The following DMD variants were observed in gnomAD, a reference collection of about 807,000 sequenced individuals.
DMD encodes the protein dystrophin.
In DMD, 63 loss-of-function variants were observed where a neutral mutation model predicts 330.1. The observed-to-expected ratio is 0.19, with a 90% confidence interval of 0.16 to 0.24. The LOEUF is 0.24. Among genes scored for constraint, DMD ranks in the 10% least tolerant of loss-of-function variants. DMD has a pLI of 1.00. For synonymous variants in DMD, 1,223 were observed against 959.8 expected (o/e 1.27, Z -5.07); for missense variants, 3,344 against 2,684.1 (o/e 1.25, Z -5.43).
intron 1 of DMD, among the ~76,000 whole-genome samples, chrX:33,109,412 C>T (rs1310535517): frequency 8.9e-6 from 1 of 111,913 alleles, no homozygotes; most frequent in Non-Finnish European, 1.9e-5. Flanking sequence ...GTTTCTTCTG[C>T]TTCTTTAAAT....
intron 7 of DMD, among the ~76,000 whole-genome samples, chrX:32,744,851 G>A (rs2069774053): frequency 8.9e-6 from 1 of 112,074 alleles, no homozygotes; most frequent in African/African-American, 3.2e-5. Context: ...TATGATTTTA[G>A]AAGAGATTAC....
chrX:32,536,090 C>A (rs1194615161), intron 17 of DMD, among the ~76,000 whole-genome samples: 1 of 109,708 alleles, frequency 9.1e-6, no homozygotes, highest in Non-Finnish European at 1.9e-5. Context: ...CACGGTGAAA[C>A]CCCATCTCTA....
rs180791973 is a variant in DMD at position 31,747,614 on chromosome X, T to C, written c.7543-17866A>G. Among the ~76,000 whole-genome samples the C allele has an allele frequency of 3.6e-5, 4 of 111,524 alleles. No individual in the cohort carries two copies. In the East Asian group the frequency reaches 1.1e-3, roughly 32 times the overall value. Reference sequence around the variant, plus strand: ...AGGGGGAGAACTGCTTTCTGTGGCATAGTTCCAAGCAAACACATGGCACAA... The same window carrying C: ...AGGGGGAGAACTGCTTTCTGTGGCACAGTTCCAAGCAAACACATGGCACAA... On this transcript the variant is annotated intron_variant, in intron 51 of 78. Coordinates refer to ENST00000357033, the MANE Select transcript of DMD (RefSeq NM_004006.3).
intron 67 of DMD, among the ~76,000 whole-genome samples, chrX:31,199,998 C>T (rs775728954): frequency 1.8e-5 from 2 of 111,836 alleles, no homozygotes; most frequent in South Asian, 7.5e-4. Flanking sequence ...TGCACCTGGC[C>T]GAGGAAAAGC....
chrX:32,948,151 A>C (rs1259196254), intron 2 of DMD, among the ~76,000 whole-genome samples: 1 of 104,610 alleles, frequency 9.6e-6, no homozygotes, highest in Non-Finnish European at 2.0e-5. Flanking sequence ...CACACACACC[A>C]GGGACGGAGG....
chrX:32,091,012 G>C, intron 44 of DMD, among the ~76,000 whole-genome samples: 1 of 112,239 alleles, frequency 8.9e-6, no homozygotes, highest in Non-Finnish European at 1.9e-5. Context: ...CTTAAATGTA[G>C]CACTTTTAAC....
intron 44 of DMD, among the ~76,000 whole-genome samples, chrX:32,054,074 T>C (rs1165139469): frequency 1.4e-5 from 1 of 71,212 alleles, no homozygotes; most frequent in Admixed American, 1.6e-4. Context: ...GTGGGGTATG[T>C]GTGTGTGTGT....
Position 32,216,842 on chromosome X carries a change from G to C in DMD, c.6438+74C>G, listed in dbSNP as rs2097114010. 7.2e-6 allele frequency: 7 copies of C among 976,922 alleles called. No homozygotes were observed. In the South Asian group the frequency reaches 1.4e-4, roughly 20 times the overall value. 80.5% of individuals were successfully genotyped at this position (976,922 alleles called of 1,213,427 possible). A position where few individuals can be genotyped will look rare whatever the true frequency, so the allele number is the denominator to read the frequency against. ...TAATTTCCATCACCCTTCAGAACCT[G>C]ATCTTTAAGAAGTTAAAGAGTCCAG... is the stretch of plus-strand genomic sequence containing the variant. On this transcript the variant is annotated intron_variant, in intron 44 of 78. Coordinates refer to ENST00000357033, the MANE Select transcript of DMD (RefSeq NM_004006.3).
intron 50 of DMD, among the ~76,000 whole-genome samples, chrX:31,798,388 T>G (rs1341619532): frequency 9.0e-6 from 1 of 110,821 alleles, no homozygotes; most frequent in African/African-American, 3.3e-5. Context: ...TCCAGTCTTG[T>G]GCTAAGTATA....
chrX:33,287,655 A>T (rs1221613282), intron 1 of DMD, among the ~76,000 whole-genome samples: 1 of 111,836 alleles, frequency 8.9e-6, no homozygotes, highest in Non-Finnish European at 1.9e-5. Context: ...GCATAAAATT[A>T]TATAGATCTG....
At position 33,134,505 on chromosome X, in the gene DMD, A is replaced by G. The variant is rs1169363858; in HGVS notation, c.31+76777T>C. On this transcript the variant is annotated intron_variant, in intron 1 of 78. Transcript: ENST00000357033. Reference sequence around the variant, plus strand: ...ACACTTGGCCCTGAGATTATCTGAGAATTTCCTAAAACATTCAACACCTCA... The same window carrying G: ...ACACTTGGCCCTGAGATTATCTGAGGATTTCCTAAAACATTCAACACCTCA... Among the ~76,000 whole-genome samples the G allele has an allele frequency of 2.7e-5, 3 of 111,992 alleles. No individual in the cohort carries two copies. The East Asian group carries it at 8.4e-4, about 31-fold the overall frequency.
In DMD at chrX:32,380,633, A is replaced by G; in HGVS notation, c.4722T>C (p.Arg1574=). ...QQLEKCLKLS[R]KMRKEMNVLT... is the part of the protein sequence containing the mutation. ...AGACATTCATTTCCTTTCGCATCTT[A>G]CGGGACAATTTCAAGCATTTCTCCA... Residue 1574 remains arginine, a synonymous_variant, in exon 34 of 79, where the codon CGT becomes CGC. Transcript: ENST00000357033. 1 of 1,209,117 alleles carries G rather than the reference A, an allele frequency of 8.3e-7. No homozygotes were observed. The highest frequency in any genetic ancestry group is 1.1e-6 in the Non-Finnish European group (1 of 894,335).
intron 13 of DMD, among the ~76,000 whole-genome samples, chrX:32,574,979 C>A (rs1409867747): frequency 1.8e-5 from 2 of 109,653 alleles, no homozygotes; most frequent in African/African-American, 3.3e-5. Context: ...CTCACTGCAA[C>A]CTCCACCTCC....
At chrX:32,369,571 AG>A (rs1182634823) in intron 34 of DMD, among the ~76,000 whole-genome samples, 1 of 111,153 alleles carries the variant, frequency 9.0e-6, no homozygotes, top group Non-Finnish European at 1.9e-5. Flanking sequence ...CTGGTCCTAT[AG>A]GAACACCTTT....
intron 48 of DMD, among the ~76,000 whole-genome samples, chrX:31,843,846 T>TG (rs754882723): frequency 0.11 from 12,217 of 109,503 alleles, 570 homozygotes; most frequent in South Asian, 0.21. Flanking sequence ...AGTTTGAGAT[T>TG]TTATTGTATT....
rs2059224663 is a variant in DMD, at chrX:31,366,287, T to A, written c.9085-17653A>T. 2.8e-5 allele frequency among the ~76,000 whole-genome samples: 3 copies of A among 108,697 alleles called. No individual in the cohort carries two copies. The South Asian group carries it at 1.2e-3, about 43-fold the overall frequency. 94.4% of individuals were successfully genotyped at this position (108,697 alleles called of 115,157 possible). On this transcript the variant is annotated intron_variant, in intron 60 of 78. Transcript: ENST00000357033. ...GATGTCTCAGGCTACGCACCACTGATAACACAAACTATGCGGGCACTGGAG... is the reference window on the plus strand; with the variant it reads ...GATGTCTCAGGCTACGCACCACTGAAAACACAAACTATGCGGGCACTGGAG...
chrX:33,324,371 T>C (rs145241009), intron 1 of DMD, among the ~76,000 whole-genome samples: 46 of 111,695 alleles, frequency 4.1e-4, no homozygotes, highest in African/African-American at 1.4e-3. Flanking sequence ...CAAACTCCCA[T>C]GTGTAATGTG....
At chrX:32,423,419 T>G (rs1375008823) in intron 29 of DMD, among the ~76,000 whole-genome samples, 3 of 110,194 alleles carry the variant, frequency 2.7e-5, no homozygotes, top group Non-Finnish European at 5.7e-5. Flanking sequence ...AATACTTAAA[T>G]ATTAATCATA....
chrX:33,334,727 T>C (rs2054226896), intron 1 of DMD, among the ~76,000 whole-genome samples: 1 of 111,276 alleles, frequency 9.0e-6, no homozygotes, highest in Admixed American at 9.6e-5. Flanking sequence ...TACTGACCCC[T>C]AGCCTGGATG....
Sources: allele counts gnomAD v4.1 joint callset (sites outside exome capture counted in the v4.1 genomes callset), GRCh38; gene constraint gnomAD v4.1.1; transcripts MANE v1.5; gene names NCBI Gene and HGNC (gene_info 2026-07-23, HGNC 2026-07-21).